Variants in RAB27B observed in about 807,000 individuals in gnomAD.
RAB27B encodes the protein RAB27B, member RAS oncogene family.
RAB27B carries 15 observed loss-of-function variants against 24.6 expected under a neutral mutation model. The ratio of observed to expected loss-of-function variants is 0.61; its 90% confidence interval spans 0.41 to 0.94. The LOEUF (loss-of-function observed/expected upper bound fraction) is 0.94, where lower values mean the gene tolerates loss of function less well. Ranked by LOEUF, RAB27B falls within the 40% of genes least tolerant of loss-of-function variation. The pLI is 0.00. For synonymous variants in RAB27B, 105 were observed against 92.5 expected, an observed-to-expected ratio of 1.14 and a Z score of -0.78; for missense variants, 261 against 266.8, an observed-to-expected ratio of 0.98 and a Z score of 0.15.
At chr18:54,815,187 C>T (rs1598925441) in intron 2 of RAB27B, among the ~76,000 whole-genome samples, 1 of 152,156 alleles carries the variant, frequency 6.6e-6, no homozygotes, top group African/African-American at 2.4e-5. Context: ...ATTGAAAATG[C>T]ATGGATTATA....
chr18:54,865,818 C>G (rs1036812615), intron 1 of RAB27B, among the ~76,000 whole-genome samples: 1 of 152,120 alleles, frequency 6.6e-6, no homozygotes, highest in Non-Finnish European at 1.5e-5. Flanking sequence ...AACTATAGGC[C>G]AGTTCACTGA....
intron 2 of RAB27B, among the ~76,000 whole-genome samples, chr18:54,737,341 AT>A (rs1909927470): frequency 6.6e-6 from 1 of 152,210 alleles, no homozygotes; most frequent in African/African-American, 2.4e-5. Context: ...CCACAATTTT[AT>A]TGCCAAAAGT....
intron 2 of RAB27B, among the ~76,000 whole-genome samples, chr18:54,730,020 G>GT (rs71993990): frequency 0.72 from 109,929 of 151,940 alleles, 40,603 homozygotes; most frequent in Middle Eastern, 0.85. Flanking sequence ...GATAATTTGG[G>GT]TTTTTTTAGG....
chr18:54,806,628 A>C (rs559839837), intron 2 of RAB27B, among the ~76,000 whole-genome samples: 1 of 150,590 alleles, frequency 6.6e-6, no homozygotes, highest in Admixed American at 6.6e-5. Flanking sequence ...ATATTGTATC[A>C]TAACATCTTT....
At chr18:54,873,234 C>A (rs1912548467) in intron 1 of RAB27B, among the ~76,000 whole-genome samples, 1 of 152,192 alleles carries the variant, frequency 6.6e-6, no homozygotes, top group African/African-American at 2.4e-5. Context: ...CTTTACGACT[C>A]TTCATTAAAC....
intron 2 of RAB27B, among the ~76,000 whole-genome samples, chr18:54,765,088 A>G (rs7240674): frequency 6.9e-6 from 1 of 145,274 alleles, no homozygotes; most frequent in Admixed American, 7.2e-5. Context: ...ACAAAAAAAA[A>G]CAAAAAAACA....
intron 1 of RAB27B, among the ~76,000 whole-genome samples, chr18:54,860,757 G>C (rs1438398016): frequency 6.6e-6 from 1 of 152,214 alleles, no homozygotes; most frequent in Non-Finnish European, 1.5e-5. Flanking sequence ...TTCCAAGTCA[G>C]AGATTTTTAT....
intron 2 of RAB27B, among the ~76,000 whole-genome samples, chr18:54,807,099 C>T (rs1302842969): frequency 1.3e-5 from 2 of 152,032 alleles, no homozygotes; most frequent in Non-Finnish European, 2.9e-5. Flanking sequence ...TGGGGTTTCA[C>T]CATGTTGGCT....
intron 2 of RAB27B, among the ~76,000 whole-genome samples, chr18:54,734,010 AG>A (rs1447137407): frequency 2.6e-5 from 4 of 152,224 alleles, no homozygotes; most frequent in Admixed American, 2.0e-4. Context: ...AGTTTACAAA[AG>A]CATAATCTAC....
chr18:54,877,514 C>G, intron 1 of RAB27B, 53 bp from the exon 2 acceptor site: 3 of 1,271,030 alleles, frequency 2.4e-6, no homozygotes, highest in Non-Finnish European at 3.1e-6. Context: ...TGATATAAAG[C>G]AAAGGAAAAT....
chr18:54,733,395 G>T (rs573651201), intron 2 of RAB27B, among the ~76,000 whole-genome samples: 1 of 152,082 alleles, frequency 6.6e-6, no homozygotes, highest in South Asian at 2.1e-4. Flanking sequence ...TTATTTCCAG[G>T]GGTGCATCCA....
At chr18:54,879,544 A>C in intron 3 of RAB27B, 90 bp downstream of exon 3, 1 of 1,016,156 alleles carries the variant, frequency 9.8e-7, no homozygotes, top group South Asian at 1.3e-5. Flanking sequence ...AAAAACAAAT[A>C]ATATTCAACT....
chr18:54,753,175 T>A (rs1375939713), intron 2 of RAB27B, among the ~76,000 whole-genome samples: 1 of 152,098 alleles, frequency 6.6e-6, no homozygotes. Flanking sequence ...TTAAATACAT[T>A]TGGGGGTCAC....
intron 2 of RAB27B, among the ~76,000 whole-genome samples, chr18:54,808,722 A>G (rs1310616288): frequency 1.3e-5 from 2 of 152,266 alleles, no homozygotes; most frequent in Non-Finnish European, 2.9e-5. Context: ...ACACATACAT[A>G]TACACACATG....
chr18:54,726,350 T>G (rs907415359), intron 2 of RAB27B, among the ~76,000 whole-genome samples: 19 of 151,592 alleles, frequency 1.3e-4, no homozygotes, highest in Middle Eastern at 3.3e-3. Flanking sequence ...GAATTTTGAA[T>G]ACATCTCACA....
chr18:54,852,743 A>G (rs548864690), intron 1 of RAB27B, among the ~76,000 whole-genome samples: 4 of 152,330 alleles, frequency 2.6e-5, no homozygotes, highest in East Asian at 1.9e-4. Flanking sequence ...GTCTTTTGCT[A>G]ATGAACCTTA....
At chr18:54,792,047 G>A (rs1224437619) in intron 2 of RAB27B, among the ~76,000 whole-genome samples, 3 of 152,208 alleles carry the variant, frequency 2.0e-5, no homozygotes, top group Non-Finnish European at 2.9e-5. Flanking sequence ...GCCAAGGCAA[G>A]AACTGGGGAT....
chr18:54,887,566 T>C (rs1913196430), intron 4 of RAB27B, among the ~76,000 whole-genome samples: 1 of 152,140 alleles, frequency 6.6e-6, no homozygotes, highest in South Asian at 2.1e-4. Flanking sequence ...AATGAATTAC[T>C]TAATAATAAA....
chr18:54,786,954 C>T (rs2059488251), intron 2 of RAB27B, among the ~76,000 whole-genome samples: 1 of 152,172 alleles, frequency 6.6e-6, no homozygotes, highest in Non-Finnish European at 1.5e-5. Context: ...TTCTGTTTTG[C>T]CTGTATGCAT....
Sources: gnomAD v4.1 joint callset for allele counts (sites outside exome capture counted in the v4.1 genomes callset) on GRCh38, gnomAD v4.1.1 for gene constraint, MANE v1.5 for transcripts, NCBI Gene and HGNC (gene_info 2026-07-23, HGNC 2026-07-21) for gene names.